The following SGCZ variants were observed in gnomAD, a reference collection of about 807,000 sequenced individuals.
SGCZ encodes the protein zeta-sarcoglycan.
In SGCZ, 40 loss-of-function variants were observed where a neutral mutation model predicts 41.3. The ratio of observed to expected loss-of-function variants is 0.97; its 90% CI spans 0.75 to 1.26. SGCZ has a LOEUF of 1.26. Among genes scored for constraint, SGCZ ranks in the 50% most tolerant of loss-of-function variants. SGCZ has a pLI of 0.00. For missense variants in SGCZ, 552 were observed against 369.8 expected (o/e 1.49, Z -4.04); for synonymous variants, 206 against 137.5 (o/e 1.50, Z -3.49).
chr8:14,494,887 TA>T (rs1396370336), intron 2 of SGCZ, among the ~76,000 whole-genome samples: 4 of 152,204 alleles, frequency 2.6e-5, no homozygotes, highest in African/African-American at 9.6e-5. Flanking sequence ...TTAATTTGCT[TA>T]TGTTAGGCAT....
At chr8:14,220,479 G>A (rs751192538) in intron 4 of SGCZ, among the ~76,000 whole-genome samples, 5 of 152,140 alleles carry the variant, frequency 3.3e-5, no homozygotes, top group African/African-American at 9.7e-5. Flanking sequence ...GATCTTGACC[G>A]TGATCTTAGG....
chr8:15,211,335 A>G (rs575210016), intron 1 of SGCZ, among the ~76,000 whole-genome samples: 36 of 151,764 alleles, frequency 2.4e-4, no homozygotes, highest in Non-Finnish European at 5.0e-4. Context: ...TCAATTCACA[A>G]TTAAATCAGA....
intron 1 of SGCZ, among the ~76,000 whole-genome samples, chr8:14,819,242 A>G (rs1396345776): frequency 6.6e-6 from 1 of 152,198 alleles, no homozygotes; most frequent in East Asian, 1.9e-4. Context: ...TGTAGCAGAA[A>G]TCTTGCAGGC....
chr8:14,132,182 G>A (rs150301528), intron 5 of SGCZ, among the ~76,000 whole-genome samples: 1 of 151,860 alleles, frequency 6.6e-6, no homozygotes, highest in African/African-American at 2.4e-5. Flanking sequence ...ATTTTGCTTG[G>A]CCTGTCTTAA....
Position 14,897,241 on chromosome 8 carries a change from ATAAT to A in SGCZ, c.39+340340_39+340343del. ...GTCTCAAAGGAAATGGTTGGTGAAT[ATAAT>A]TAATAATTACGTATATAATAAACTA... On this transcript the variant is annotated intron_variant, in intron 1 of 7. Transcript: ENST00000382080. Among the ~76,000 whole-genome samples, 4 of 152,366 alleles carry A rather than the reference ATAAT, an allele frequency of 2.6e-5. 1 individual carries two copies. Among genetic ancestry groups the A allele is most frequent in the African/African-American group, 9.6e-5 (4 of 41,580 alleles).
At chr8:14,763,757 A>G (rs1799957782) in intron 1 of SGCZ, among the ~76,000 whole-genome samples, 3 of 152,188 alleles carry the variant, frequency 2.0e-5, no homozygotes, top group Admixed American at 1.3e-4. Flanking sequence ...TTACTTGTTA[A>G]TATCATATAG....
chr8:14,638,402 C>A (rs1245598088), intron 1 of SGCZ, among the ~76,000 whole-genome samples: 2 of 151,872 alleles, frequency 1.3e-5, no homozygotes, highest in Non-Finnish European at 2.9e-5. Context: ...GGAATACATT[C>A]TCAATGTCTC....
intron 1 of SGCZ, among the ~76,000 whole-genome samples, chr8:15,123,193 T>A (rs1476880916): frequency 2.6e-5 from 4 of 152,192 alleles, no homozygotes; most frequent in African/African-American, 9.7e-5. Flanking sequence ...TAGCTTTATG[T>A]AGCATCCTAA....
chr8:14,393,483 C>T (rs977963693), intron 2 of SGCZ, among the ~76,000 whole-genome samples: 1 of 152,092 alleles, frequency 6.6e-6, no homozygotes, highest in Admixed American at 6.6e-5. Flanking sequence ...GGTGGGGCGA[C>T]CAACCTTCCC....
chr8:14,652,207 G>T (rs1807422454), intron 1 of SGCZ, among the ~76,000 whole-genome samples: 1 of 151,542 alleles, frequency 6.6e-6, no homozygotes, highest in African/African-American at 2.4e-5. Context: ...TGGGCGTGGT[G>T]GCGAATGCAT....
chr8:14,697,347 G>T (rs1343930585), intron 1 of SGCZ, among the ~76,000 whole-genome samples: 1 of 151,968 alleles, frequency 6.6e-6, no homozygotes, highest in Non-Finnish European at 1.5e-5. Context: ...TATCTCATTA[G>T]ATTGTTGAGG....
At chr8:14,209,311 C>A (rs116891435) in intron 4 of SGCZ, among the ~76,000 whole-genome samples, 294 of 152,226 alleles carry the variant, frequency 1.9e-3, no homozygotes, top group Non-Finnish European at 3.1e-3. Flanking sequence ...AAGCCCCTCT[C>A]TCTCACCAGG....
intron 1 of SGCZ, among the ~76,000 whole-genome samples, chr8:15,175,830 T>C (rs1799981530): frequency 6.6e-6 from 1 of 152,018 alleles, no homozygotes; most frequent in African/African-American, 2.4e-5. Flanking sequence ...GAAAATGACT[T>C]CTAGGAGAGG....
intron 1 of SGCZ, among the ~76,000 whole-genome samples, chr8:14,770,570 T>G (rs1189296323): frequency 6.6e-6 from 1 of 152,038 alleles, no homozygotes; most frequent in Non-Finnish European, 1.5e-5. Flanking sequence ...TATTATAAAG[T>G]ATACATATAT....
At chr8:14,994,538 T>A (rs1290294851) in intron 1 of SGCZ, among the ~76,000 whole-genome samples, 1 of 151,324 alleles carries the variant, frequency 6.6e-6, no homozygotes, top group Non-Finnish European at 1.5e-5. Context: ...GAGTCGAGAT[T>A]GTGCCACTGC....
chr8:14,622,383 T>G (rs1440927501), intron 1 of SGCZ, among the ~76,000 whole-genome samples: 3 of 152,176 alleles, frequency 2.0e-5, no homozygotes, highest in Non-Finnish European at 4.4e-5. Context: ...TTTCCTGTAA[T>G]CTGGCCCAGA....
At chr8:14,960,959 A>T (rs1800945914) in intron 1 of SGCZ, among the ~76,000 whole-genome samples, 1 of 136,042 alleles carries the variant, frequency 7.4e-6, no homozygotes, top group South Asian at 2.2e-4. Context: ...ACACACACAC[A>T]CACACTCACT....
At chr8:14,771,430 G>A (rs1314286947) in intron 1 of SGCZ, among the ~76,000 whole-genome samples, 3 of 152,038 alleles carry the variant, frequency 2.0e-5, no homozygotes, top group African/African-American at 7.2e-5. Context: ...TCCCTTAACT[G>A]TACTTTCAAT....
chr8:14,651,963 C>CA (rs1394617511), intron 1 of SGCZ, among the ~76,000 whole-genome samples: 9 of 151,108 alleles, frequency 6.0e-5, no homozygotes, highest in South Asian at 2.1e-4. Flanking sequence ...AAAAAGCAAA[C>CA]AAAAAAAACG....
Sources: allele counts gnomAD v4.1 joint callset (sites outside exome capture counted in the v4.1 genomes callset), GRCh38; gene constraint gnomAD v4.1.1; transcripts MANE v1.5; gene names NCBI Gene and HGNC (gene_info 2026-07-23, HGNC 2026-07-21).